CTNNA2: variants seen among roughly 807,000 people sequenced by gnomAD.
The protein encoded by CTNNA2 is catenin alpha 2.
Under a neutral mutation model 101.0 loss-of-function variants are expected in CTNNA2, and 42 were observed. That is an observed-to-expected ratio of 0.42 (90% confidence interval 0.32 to 0.54). CTNNA2 has a LOEUF of 0.54. Among genes scored for constraint, CTNNA2 ranks in the 20% least tolerant of loss-of-function variants. CTNNA2 has a pLI of 0.14. For synonymous variants in CTNNA2, 450 were observed against 456.4 expected (o/e 0.99, Z 0.18); for missense variants, 871 against 1,223.1 (o/e 0.71, Z 4.29).
At chr2:79,353,280 C>T (rs1677432989) in intron 3 of CTNNA2, among the ~76,000 whole-genome samples, 1 of 152,166 alleles carries the variant, frequency 6.6e-6, no homozygotes, top group African/African-American at 2.4e-5. Flanking sequence ...TGTCTAATTT[C>T]CATGTGATGG....
intron 9 of CTNNA2, among the ~76,000 whole-genome samples, chr2:80,449,479 C>G (rs951040461): frequency 6.6e-6 from 1 of 152,152 alleles, no homozygotes; most frequent in Non-Finnish European, 1.5e-5. Context: ...CCTTGTGTCT[C>G]CTTCTCTGTT....
intron 2 of CTNNA2, among the ~76,000 whole-genome samples, chr2:79,679,861 C>T (rs983025834): frequency 1.3e-4 from 20 of 152,152 alleles, no homozygotes; most frequent in Middle Eastern, 6.8e-3. Flanking sequence ...TCCCCGATCC[C>T]CTATTGGAAC....
chr2:80,323,612 T>C (rs984012737), intron 7 of CTNNA2, among the ~76,000 whole-genome samples: 11 of 152,064 alleles, frequency 7.2e-5, no homozygotes, highest in African/African-American at 2.7e-4. Flanking sequence ...CTCTCTGTAC[T>C]TTCATCCTCT....
At chr2:80,250,015 G>A (rs1007980150) in intron 7 of CTNNA2, among the ~76,000 whole-genome samples, 2 of 151,946 alleles carry the variant, frequency 1.3e-5, no homozygotes, top group African/African-American at 4.8e-5. Flanking sequence ...CCATGTTCCA[G>A]CCCCTCCTCC....
chr2:79,672,927 C>G (rs534038277), intron 2 of CTNNA2, among the ~76,000 whole-genome samples: 39 of 152,068 alleles, frequency 2.6e-4, no homozygotes, highest in Non-Finnish European at 3.8e-4. Flanking sequence ...AGGCTGATCT[C>G]GAACTTCTGA....
At chr2:80,172,290 A>G (rs1705113152) in intron 7 of CTNNA2, among the ~76,000 whole-genome samples, 1 of 152,150 alleles carries the variant, frequency 6.6e-6, no homozygotes, top group African/African-American at 2.4e-5. Flanking sequence ...CCTTTTAGCA[A>G]TATATAATTT....
intron 7 of CTNNA2, among the ~76,000 whole-genome samples, chr2:79,992,269 A>T (rs1227700391): frequency 1.3e-5 from 2 of 152,146 alleles, no homozygotes; most frequent in Non-Finnish European, 2.9e-5. Flanking sequence ...CAACGTTCAC[A>T]TTAGTGATTA....
At chr2:80,304,262 G>C (rs1676680952) in intron 7 of CTNNA2, 1 of 155,222 alleles carries the variant, frequency 6.4e-6, no homozygotes, top group African/African-American at 2.4e-5. Flanking sequence ...CCCGGTCCGC[G>C]GCCGGCGGAT....
At chr2:79,452,637 C>T (rs544161713) in intron 4 of CTNNA2, among the ~76,000 whole-genome samples, 9 of 152,076 alleles carry the variant, frequency 5.9e-5, no homozygotes, top group African/African-American at 1.9e-4. Flanking sequence ...TTACTTCAGC[C>T]ATTTGGTGAG....
chr2:80,300,642 TAAAAAC>T (rs1057191266), intron 7 of CTNNA2, among the ~76,000 whole-genome samples: 1 of 151,768 alleles, frequency 6.6e-6, no homozygotes, highest in Non-Finnish European at 1.5e-5. Flanking sequence ...AAAGGAAAAA[TAAAAAC>T]AGAAAGATGC....
chr2:80,096,179 G>A (rs1317235860), intron 7 of CTNNA2, among the ~76,000 whole-genome samples: 2 of 151,916 alleles, frequency 1.3e-5, no homozygotes, highest in Admixed American at 6.6e-5. Context: ...CTTTGAATGT[G>A]TCCCAGAGAT....
intron 3 of CTNNA2, among the ~76,000 whole-genome samples, chr2:79,343,234 A>C (rs1416602167): frequency 2.0e-5 from 3 of 152,204 alleles, no homozygotes; most frequent in Admixed American, 6.5e-5. Flanking sequence ...AATTTATCTC[A>C]TGTAATATTA....
intron 12 of CTNNA2, among the ~76,000 whole-genome samples, chr2:80,562,920 G>A (rs12464360): frequency 0.084 from 12,752 of 152,012 alleles, 769 homozygotes; most frequent in Non-Finnish European, 0.13. Flanking sequence ...AACCCTTAAC[G>A]TGAAGGTGGA....
intron 2 of CTNNA2, among the ~76,000 whole-genome samples, chr2:79,288,782 A>G (rs1416537966): frequency 2.0e-5 from 3 of 152,346 alleles, no homozygotes; most frequent in Non-Finnish European, 4.4e-5. Context: ...TTGTCAAAAC[A>G]ATCACAGGGT....
intron 1 of CTNNA2, among the ~76,000 whole-genome samples, chr2:79,585,644 CTGGTAATGAATGCATTTGCACAGTGTGTG>C (rs1437076205): frequency 2.6e-5 from 4 of 152,012 alleles, no homozygotes; most frequent in African/African-American, 4.8e-5. Flanking sequence ...TTTTAAATTC[CTGGTAATGAATGCATTTGCACAGTGTGTG>C]CCCTTGTCTA....
intron 7 of CTNNA2, among the ~76,000 whole-genome samples, chr2:80,222,797 A>G (rs1403386616): frequency 6.6e-6 from 1 of 152,208 alleles, no homozygotes. Flanking sequence ...AATCCCACCA[A>G]AGCACCTTCT....
intron 2 of CTNNA2, among the ~76,000 whole-genome samples, chr2:79,256,296 A>G (rs1009785618): frequency 1.3e-5 from 2 of 152,144 alleles, no homozygotes; most frequent in African/African-American, 4.8e-5. Flanking sequence ...CCAACTTACA[A>G]TTAAGGACAT....
rs534486339 is a variant in CTNNA2, at chr2:79,201,468, C to T, written c.-406+3392C>T. ...ACCTTCCTTCCCTGTTGGAAATGAG[C>T]TCGAATTCCAGAAAGAAGTTACCTG... On this transcript the variant is annotated intron_variant, in intron 2 of 21. Coordinates refer to the CTNNA2 transcript ENST00000466387. Among the ~76,000 whole-genome samples, 18 of 152,168 alleles carry T rather than the reference C, an allele frequency of 1.2e-4. No individual in the cohort carries two copies. In the East Asian group the frequency reaches 3.5e-3, roughly 30 times the overall value.
intron 9 of CTNNA2, among the ~76,000 whole-genome samples, chr2:80,460,290 T>A (rs1439512726): frequency 7.0e-6 from 1 of 143,810 alleles, no homozygotes; most frequent in East Asian, 1.9e-4. Flanking sequence ...GTCATTTAGC[T>A]AGCAGACATT....
Sources: gnomAD v4.1 joint callset for allele counts (sites outside exome capture counted in the v4.1 genomes callset) on GRCh38, gnomAD v4.1.1 for gene constraint, MANE v1.5 for transcripts, NCBI Gene and HGNC (gene_info 2026-07-23, HGNC 2026-07-21) for gene names.